Variants in CTNNA2 observed in about 807,000 individuals in gnomAD.
The protein encoded by CTNNA2 is catenin alpha-2.
In CTNNA2, 42 loss-of-function variants were observed where a neutral mutation model predicts 101.0. The ratio of observed to expected loss-of-function variants is 0.42; its 90% CI spans 0.32 to 0.54. The LOEUF is 0.54. Ranked by LOEUF, CTNNA2 falls within the 20% of genes least tolerant of loss-of-function variation. The pLI, the probability that CTNNA2 is intolerant of heterozygous loss-of-function variation, is 0.14. For synonymous variants in CTNNA2, 450 were observed against 456.4 expected, an observed-to-expected ratio of 0.99 and a Z score of 0.18; for missense variants, 871 against 1,223.1, an observed-to-expected ratio of 0.71 and a Z score of 4.29.
chr2:79,201,097 T>C (rs534827585), intron 2 of CTNNA2, among the ~76,000 whole-genome samples: 5 of 151,398 alleles, frequency 3.3e-5, no homozygotes, highest in South Asian at 2.2e-4. Context: ...TCCCCCCCCC[T>C]TTTTTTGTGG....
chr2:80,564,751 G>T (rs1445326016), intron 12 of CTNNA2, among the ~76,000 whole-genome samples: 2 of 152,162 alleles, frequency 1.3e-5, no homozygotes, highest in Non-Finnish European at 2.9e-5. Flanking sequence ...GAAGAATTGG[G>T]ACTGGCCAAG....
intron 7 of CTNNA2, among the ~76,000 whole-genome samples, chr2:80,079,389 T>A (rs1698966625): frequency 6.6e-6 from 1 of 152,206 alleles, no homozygotes; most frequent in South Asian, 2.1e-4. Flanking sequence ...TGGCTGCCCC[T>A]GCAGAGAAAA....
intron 7 of CTNNA2, among the ~76,000 whole-genome samples, chr2:80,222,908 T>G (rs1028409862): frequency 1.3e-5 from 2 of 152,194 alleles, no homozygotes; most frequent in African/African-American, 4.8e-5. Flanking sequence ...AAAAAGAGAA[T>G]GAGATTGTGG....
intron 7 of CTNNA2, among the ~76,000 whole-genome samples, chr2:80,128,933 T>A (rs1702271279): frequency 6.6e-6 from 1 of 152,212 alleles, no homozygotes; most frequent in African/African-American, 2.4e-5. Flanking sequence ...TGGAAATAGA[T>A]GTGCTAGCCT....
rs187874878 is a variant in CTNNA2, at chr2:80,075,731, T to A, written c.1056+165934T>A. 2.6e-3 allele frequency among the ~76,000 whole-genome samples: 223 copies of A among 85,918 alleles called. 7 individuals carry two copies. The highest frequency in any genetic ancestry group is 0.012 in the African/African-American group (194 of 16,492). 56.4% of individuals were successfully genotyped at this position (85,918 alleles called of 152,430 possible). ...ATATTATAAAAATAATATTTATACT[T>A]GTATAAATATTATAAAAATAATATT... On this transcript the variant is annotated intron_variant, in intron 7 of 18. Coordinates refer to ENST00000402739, the MANE Select transcript of CTNNA2 (RefSeq NM_001282597.3).
At chr2:80,170,351 T>A (rs1190417847) in intron 7 of CTNNA2, among the ~76,000 whole-genome samples, 1 of 152,134 alleles carries the variant, frequency 6.6e-6, no homozygotes, top group Non-Finnish European at 1.5e-5. Flanking sequence ...AGGCTGTTCA[T>A]ATTTCTTTCT....
chr2:80,137,826 T>C (rs554380634), intron 7 of CTNNA2, among the ~76,000 whole-genome samples: 33 of 152,152 alleles, frequency 2.2e-4, no homozygotes, highest in African/African-American at 7.2e-4. Flanking sequence ...GATCATTCCA[T>C]TGTTGGGATT....
At chr2:79,918,121 T>C (rs1410983264) in intron 7 of CTNNA2, among the ~76,000 whole-genome samples, 2 of 152,136 alleles carry the variant, frequency 1.3e-5, no homozygotes, top group East Asian at 1.9e-4. Context: ...AATCAATACT[T>C]CTATCTCATT....
intron 7 of CTNNA2, among the ~76,000 whole-genome samples, chr2:80,314,827 G>T (rs950064440): frequency 2.6e-5 from 4 of 152,222 alleles, no homozygotes; most frequent in African/African-American, 9.6e-5. Context: ...GGAACAAGGT[G>T]ATGGCTGGAG....
intron 3 of CTNNA2, among the ~76,000 whole-genome samples, chr2:79,765,194 A>C (rs1673059511): frequency 6.6e-6 from 1 of 152,208 alleles, no homozygotes; most frequent in East Asian, 1.9e-4. Context: ...ATGTGAAAGT[A>C]TTTTTTCCAG....
intron 3 of CTNNA2, among the ~76,000 whole-genome samples, chr2:79,782,023 G>C (rs1325126954): frequency 1.3e-5 from 2 of 152,116 alleles, no homozygotes; most frequent in African/African-American, 2.4e-5. Context: ...AAATGGAAAA[G>C]GCTGAGATTT....
intron 2 of CTNNA2, among the ~76,000 whole-genome samples, chr2:79,677,278 G>C (rs894124713): frequency 6.6e-6 from 1 of 152,120 alleles, no homozygotes; most frequent in African/African-American, 2.4e-5. Flanking sequence ...CCTTCCTTCA[G>C]GCTACGGAGT....
At chr2:79,978,197 A>G (rs150613636) in intron 7 of CTNNA2, among the ~76,000 whole-genome samples, 1 of 152,294 alleles carries the variant, frequency 6.6e-6, no homozygotes, top group African/African-American at 2.4e-5. Flanking sequence ...AATGATACTA[A>G]GACATTCGGG....
chr2:79,305,353 CATATATACAT>C (rs1030742301), intron 2 of CTNNA2, among the ~76,000 whole-genome samples: 17 of 137,536 alleles, frequency 1.2e-4, no homozygotes, highest in Non-Finnish European at 1.8e-4. Flanking sequence ...CATACATATA[CATATATACAT>C]ATATATACAC....
intron 7 of CTNNA2, among the ~76,000 whole-genome samples, chr2:79,985,006 G>C (rs1320009577): frequency 1.3e-5 from 2 of 152,126 alleles, no homozygotes; most frequent in Non-Finnish European, 2.9e-5. Flanking sequence ...GGCCTACAAA[G>C]GCAGAGCTGA....
chr2:80,619,258 C>T, intron 18 of CTNNA2, 30 bp downstream of exon 18: 1 of 1,481,942 alleles, frequency 6.7e-7, no homozygotes, highest in Non-Finnish European at 9.0e-7. Flanking sequence ...AATCTAATGT[C>T]TTTCATTGTA....
chr2:79,217,523 T>C (rs1301231076), intron 2 of CTNNA2, among the ~76,000 whole-genome samples: 1 of 151,910 alleles, frequency 6.6e-6, no homozygotes, highest in Non-Finnish European at 1.5e-5. Context: ...AGGTGCTCAG[T>C]AGGGGAGCTT....
intron 4 of CTNNA2, among the ~76,000 whole-genome samples, chr2:79,379,138 A>G (rs969921612): frequency 5.9e-5 from 9 of 152,314 alleles, no homozygotes; most frequent in African/African-American, 2.2e-4. Context: ...AGAATGGTTA[A>G]CCTCAGAAAT....
intron 7 of CTNNA2, among the ~76,000 whole-genome samples, chr2:80,132,510 C>T (rs1702470141): frequency 6.6e-6 from 1 of 152,070 alleles, no homozygotes; most frequent in East Asian, 1.9e-4. Context: ...CAATATAATT[C>T]CCTCCTAGGA....
Sources: allele counts gnomAD v4.1 joint callset (sites outside exome capture counted in the v4.1 genomes callset), GRCh38; gene constraint gnomAD v4.1.1; transcripts MANE v1.5; gene names NCBI Gene and HGNC (gene_info 2026-07-23, HGNC 2026-07-21).